Variants in GABRG3 observed in about 807,000 individuals in gnomAD.
GABRG3 encodes the protein gamma-aminobutyric acid type A receptor subunit gamma3.
A neutral mutation model predicts 48.8 loss-of-function variants in GABRG3; 25 were observed. That is an observed-to-expected ratio of 0.51 (90% confidence interval 0.37 to 0.72). GABRG3 has a LOEUF of 0.72. Among genes scored for constraint, GABRG3 ranks in the 30% least tolerant of loss-of-function variants. The pLI is 0.00. For missense variants in GABRG3, 394 were observed against 577.9 expected (o/e 0.68, Z 3.26); for synonymous variants, 227 against 217.6 (o/e 1.04, Z -0.38).
At chr15:27,140,175 G>C (rs1451027560) in intron 3 of GABRG3, among the ~76,000 whole-genome samples, 6 of 152,294 alleles carry the variant, frequency 3.9e-5, no homozygotes, top group Non-Finnish European at 7.4e-5. Flanking sequence ...AACACAAATA[G>C]GGGGTTGTGG....
chr15:27,228,052 T>C (rs1177523602), intron 3 of GABRG3, among the ~76,000 whole-genome samples: 1 of 152,236 alleles, frequency 6.6e-6, no homozygotes, highest in Non-Finnish European at 1.5e-5. Context: ...TTAGCACCAA[T>C]GAAATAATAC....
chr15:27,174,584 GTCTCTCTCTC>G (rs150022606), intron 3 of GABRG3, among the ~76,000 whole-genome samples: 101 of 139,674 alleles, frequency 7.2e-4, no homozygotes, highest in Admixed American at 1.2e-3. Context: ...TCTCTCTCTC[GTCTCTCTCTC>G]TCTCTCTCTC....
chr15:27,261,238 G>T (rs1395921047), intron 3 of GABRG3, among the ~76,000 whole-genome samples: 2 of 152,246 alleles, frequency 1.3e-5, no homozygotes, highest in African/African-American at 4.8e-5. Context: ...ATTATTTAAA[G>T]TTACAAAGGT....
At chr15:27,437,707 T>A (rs1256611611) in intron 5 of GABRG3, among the ~76,000 whole-genome samples, 1 of 152,220 alleles carries the variant, frequency 6.6e-6, no homozygotes, top group Non-Finnish European at 1.5e-5. Context: ...CATCCATTCG[T>A]GTTGCTGTAA....
At chr15:27,525,533 G>A (rs957294817) in intron 7 of GABRG3, among the ~76,000 whole-genome samples, 9 of 152,102 alleles carry the variant, frequency 5.9e-5, no homozygotes, top group Admixed American at 5.9e-4. Flanking sequence ...CAGGGTGGGG[G>A]TGGAAGTGGG....
At chr15:27,263,979 A>C (rs1260585626) in intron 3 of GABRG3, among the ~76,000 whole-genome samples, 2 of 151,632 alleles carry the variant, frequency 1.3e-5, no homozygotes, top group Non-Finnish European at 2.9e-5. Context: ...AGAGAAGCAC[A>C]GGATGCTTTG....
intron 5 of GABRG3, among the ~76,000 whole-genome samples, chr15:27,401,575 T>C (rs1263336819): frequency 6.6e-6 from 1 of 152,214 alleles, no homozygotes; most frequent in Non-Finnish European, 1.5e-5. Context: ...GTTATTTCGC[T>C]CTCTCACTCC....
chr15:27,268,083 G>T (rs1377701219), intron 3 of GABRG3, among the ~76,000 whole-genome samples: 1 of 152,108 alleles, frequency 6.6e-6, no homozygotes, highest in African/African-American at 2.4e-5. Flanking sequence ...TCCCTCCTTT[G>T]TAGTTTTCTG....
intron 3 of GABRG3, among the ~76,000 whole-genome samples, chr15:27,306,767 CAT>C (rs543096147): frequency 3.6e-4 from 13 of 35,814 alleles, no homozygotes; most frequent in African/African-American, 7.8e-4. Context: ...TATATATAAA[CAT>C]ACAATATAAA....
chr15:27,207,533 A>G (rs917091974), intron 3 of GABRG3, among the ~76,000 whole-genome samples: 2 of 152,236 alleles, frequency 1.3e-5, no homozygotes, highest in African/African-American at 2.4e-5. Context: ...TAATTAAAAT[A>G]CAGCCTCTAG....
At chr15:27,239,258 T>G (rs553242673) in intron 3 of GABRG3, among the ~76,000 whole-genome samples, 1 of 152,356 alleles carries the variant, frequency 6.6e-6, no homozygotes, top group East Asian at 1.9e-4. Flanking sequence ...TGCAATGGCC[T>G]TTGTCCAAGG....
intron 3 of GABRG3, among the ~76,000 whole-genome samples, chr15:27,076,998 G>A (rs1206789590): frequency 6.6e-6 from 1 of 152,212 alleles, no homozygotes; most frequent in Non-Finnish European, 1.5e-5. Context: ...GCATTCAGGT[G>A]ACCTGCTCCA....
intron 5 of GABRG3, among the ~76,000 whole-genome samples, chr15:27,412,448 C>T (rs1187849981): frequency 2.0e-5 from 3 of 152,160 alleles, no homozygotes; most frequent in African/African-American, 4.8e-5. Flanking sequence ...GTAACCTTTT[C>T]GAATTGGCTT....
intron 2 of GABRG3, among the ~76,000 whole-genome samples, chr15:26,989,717 T>G (rs1895213462): frequency 6.6e-6 from 1 of 152,044 alleles, no homozygotes; most frequent in South Asian, 2.1e-4. Flanking sequence ...AAATACTAGG[T>G]CTTGTTCATT....
intron 3 of GABRG3, among the ~76,000 whole-genome samples, chr15:27,161,784 C>T (rs117970071): frequency 1.5e-4 from 23 of 151,788 alleles, no homozygotes; most frequent in African/African-American, 3.9e-4. Context: ...TACAGGAACA[C>T]GTATTAGAAA....
chr15:27,535,200 A>G lies in GABRG3; in HGVS notation c.*2319A>G, dbSNP rs1891521671. 1.3e-5 allele frequency: 2 copies of G among 152,232 alleles called. No homozygotes were observed. Among genetic ancestry groups the G allele is most frequent in the South Asian group, 4.1e-4 (2 of 4,830 alleles). The allele number at this position is 152,232 out of a possible 1,614,324, so 9.4% of individuals were successfully genotyped here. On this transcript the variant is annotated 3_prime_UTR_variant, in exon 10 of 10. Coordinates refer to ENST00000615808, the MANE Select transcript of GABRG3 (RefSeq NM_033223.5). ...ACGTTATGAATGGGTAATTTCTAAC[A>G]AGCTGAAGAACTGCAACCTGCTACA...
chr15:27,072,688 C>T (rs1171668625), intron 3 of GABRG3, among the ~76,000 whole-genome samples: 1 of 152,178 alleles, frequency 6.6e-6, no homozygotes, highest in Non-Finnish European at 1.5e-5. Context: ...CCTTCCTCAG[C>T]CCCTGGCTCC....
At chr15:27,238,230 A>G (rs1340994824) in intron 3 of GABRG3, among the ~76,000 whole-genome samples, 9 of 152,214 alleles carry the variant, frequency 5.9e-5, no homozygotes, top group Non-Finnish European at 1.3e-4. Flanking sequence ...CCTAGGAAGC[A>G]GTCACTGAAC....
intron 5 of GABRG3, among the ~76,000 whole-genome samples, chr15:27,370,243 A>G (rs1810704382): frequency 6.6e-6 from 1 of 152,180 alleles, no homozygotes. Context: ...AGCTTTGACA[A>G]CCATGAGGTT....
Sources: allele counts gnomAD v4.1 joint callset (sites outside exome capture counted in the v4.1 genomes callset), GRCh38; gene constraint gnomAD v4.1.1; transcripts MANE v1.5; gene names NCBI Gene and HGNC (gene_info 2026-07-23, HGNC 2026-07-21).